SPMIP3: variants seen among roughly 807,000 people sequenced by gnomAD.
SPMIP3 encodes protein SPMIP3.
the SPMIP3 span, among the ~76,000 whole-genome samples, chr1:244,355,391 T>G: frequency 6.6e-6 from 1 of 152,134 alleles, no homozygotes; most frequent in Non-Finnish European, 1.5e-5. Context: ...TTTTATTGAT[T>G]GATTGATTGA....
At chr1:244,387,026 G>A in the SPMIP3 span, among the ~76,000 whole-genome samples, 2 of 152,138 alleles carry the variant, frequency 1.3e-5, no homozygotes, top group African/African-American at 2.4e-5. Flanking sequence ...CAATGCAGCC[G>A]GGCGCAGTGG....
At chr1:244,383,220 C>T in the SPMIP3 span, among the ~76,000 whole-genome samples, 1 of 152,156 alleles carries the variant, frequency 6.6e-6, no homozygotes, top group Non-Finnish European at 1.5e-5. Context: ...TTTCTACACT[C>T]AATAACCATG....
At chr1:244,373,212 C>G in the SPMIP3 span, among the ~76,000 whole-genome samples, 1 of 151,058 alleles carries the variant, frequency 6.6e-6, no homozygotes, top group Non-Finnish European at 1.5e-5. Flanking sequence ...GAGACCCTGT[C>G]TTTTAAAAAA....
the SPMIP3 span, among the ~76,000 whole-genome samples, chr1:244,368,423 G>A: frequency 2.0e-5 from 3 of 152,204 alleles, no homozygotes; most frequent in African/African-American, 7.2e-5. Flanking sequence ...GCACGGTGTG[G>A]TTAAATGACT....
the SPMIP3 span, among the ~76,000 whole-genome samples, chr1:244,375,759 G>C: frequency 6.6e-6 from 1 of 152,028 alleles, no homozygotes; most frequent in African/African-American, 2.4e-5. Context: ...CCACCTCCCA[G>C]GTTCGAGCAA....
the SPMIP3 span, among the ~76,000 whole-genome samples, chr1:244,373,805 A>G: frequency 6.6e-6 from 1 of 151,964 alleles, no homozygotes. Context: ...AGGAAAAGCA[A>G]TGTACTATAA....
chr1:244,365,916 G>A, the SPMIP3 span, among the ~76,000 whole-genome samples: 116 of 152,246 alleles, frequency 7.6e-4, 1 homozygote, highest in Non-Finnish European at 1.0e-3. Context: ...TGGAAACTAA[G>A]GAGCTGTTTC....
the SPMIP3 span, among the ~76,000 whole-genome samples, chr1:244,362,393 A>G: frequency 6.6e-6 from 1 of 152,194 alleles, no homozygotes; most frequent in Admixed American, 6.5e-5. Flanking sequence ...AACCTCATAC[A>G]AGTTACTTAA....
chr1:244,358,541 C>T, the SPMIP3 span, among the ~76,000 whole-genome samples: 7 of 150,136 alleles, frequency 4.7e-5, no homozygotes, highest in South Asian at 6.3e-4. Context: ...GCTGAGATTG[C>T]GCCACTGTAT....
At chr1:244,380,452 T>G in the SPMIP3 span, among the ~76,000 whole-genome samples, 1 of 152,282 alleles carries the variant, frequency 6.6e-6, no homozygotes, top group South Asian at 2.1e-4. Context: ...ACCTCAATAT[T>G]TTGGAGGCTC....
the SPMIP3 span, chr1:244,389,246 G>A: frequency 2.0e-6 from 1 of 509,458 alleles, no homozygotes; most frequent in South Asian, 2.3e-5. Context: ...AGGGAATCAA[G>A]ATCTATCCTT....
At chr1:244,369,254 T>C in the SPMIP3 span, among the ~76,000 whole-genome samples, 1 of 152,244 alleles carries the variant, frequency 6.6e-6, no homozygotes, top group East Asian at 1.9e-4. Context: ...GGGTGTGGCA[T>C]TGGTTTGTGG....
the SPMIP3 span, among the ~76,000 whole-genome samples, chr1:244,384,883 T>C: frequency 1.1e-4 from 16 of 152,292 alleles, no homozygotes; most frequent in Non-Finnish European, 2.4e-4. Flanking sequence ...ATAGGCTGTT[T>C]ATCCTAACCA....
the SPMIP3 span, among the ~76,000 whole-genome samples, chr1:244,373,184 C>G: frequency 6.6e-6 from 1 of 151,428 alleles, no homozygotes; most frequent in Non-Finnish European, 1.5e-5. Flanking sequence ...AGTTCCAGAC[C>G]AGGCTGGGCA....
the SPMIP3 span, among the ~76,000 whole-genome samples, chr1:244,366,795 G>A: frequency 6.2e-4 from 94 of 152,182 alleles, no homozygotes; most frequent in South Asian, 4.4e-3. Context: ...CAGGAGAATC[G>A]CTTGAACCCA....
the SPMIP3 span, among the ~76,000 whole-genome samples, chr1:244,365,791 C>G: frequency 6.6e-6 from 1 of 152,270 alleles, no homozygotes; most frequent in East Asian, 1.9e-4. Context: ...TTGGGAAGAG[C>G]TTTAGTGAGA....
chr1:244,358,650 T>C, the SPMIP3 span, among the ~76,000 whole-genome samples: 6 of 151,952 alleles, frequency 3.9e-5, no homozygotes, highest in African/African-American at 9.7e-5. Flanking sequence ...CACACACATA[T>C]ATATGATACA....
At chr1:244,365,504 G>T in the SPMIP3 span, among the ~76,000 whole-genome samples, 2 of 152,092 alleles carry the variant, frequency 1.3e-5, no homozygotes, top group South Asian at 2.1e-4. Flanking sequence ...TGATTGTGAG[G>T]CCTCCCCAGC....
the SPMIP3 span, among the ~76,000 whole-genome samples, chr1:244,386,582 T>C: frequency 6.6e-6 from 1 of 152,206 alleles, no homozygotes; most frequent in African/African-American, 2.4e-5. Context: ...ACTTCTAAAT[T>C]ACTTTAATAC....
Sources: allele counts gnomAD v4.1 joint callset (sites outside exome capture counted in the v4.1 genomes callset), GRCh38; gene constraint gnomAD v4.1.1; transcripts MANE v1.5; gene names NCBI Gene and HGNC (gene_info 2026-07-23, HGNC 2026-07-21).